CDH13: variants seen among roughly 807,000 people sequenced by gnomAD.
CDH13 encodes the protein cadherin-13.
CDH13 carries 24 observed loss-of-function variants against 63.8 expected under a neutral mutation model. That is an observed-to-expected ratio of 0.38 (90% CI 0.27 to 0.53). The LOEUF (loss-of-function observed/expected upper bound fraction) is 0.53. Among genes scored for constraint, CDH13 ranks in the 20% least tolerant of loss-of-function variants. CDH13 has a pLI of 0.85. For synonymous variants in CDH13, 503 were observed against 355.3 expected (o/e 1.42, Z -4.67); for missense variants, 1,049 against 903.1 (o/e 1.16, Z -2.07).
At chr16:83,111,133 C>G (rs1191275855) in intron 3 of CDH13, among the ~76,000 whole-genome samples, 1 of 151,384 alleles carries the variant, frequency 6.6e-6, no homozygotes, top group Non-Finnish European at 1.5e-5. Context: ...GATGACGCCA[C>G]TGCACTCCAG....
At chr16:83,104,225 A>C (rs1350537958) in intron 3 of CDH13, among the ~76,000 whole-genome samples, 2 of 152,174 alleles carry the variant, frequency 1.3e-5, no homozygotes, top group African/African-American at 4.8e-5. Flanking sequence ...CAAATGTGGA[A>C]CTTTTCCTTG....
At chr16:83,330,094 A>C (rs933120973) in intron 5 of CDH13, among the ~76,000 whole-genome samples, 2 of 152,248 alleles carry the variant, frequency 1.3e-5, no homozygotes, top group Non-Finnish European at 2.9e-5. Flanking sequence ...CAAATAGAAG[A>C]GATTCTTGTA....
intron 7 of CDH13, among the ~76,000 whole-genome samples, chr16:83,539,019 T>C (rs1300911860): frequency 2.0e-5 from 3 of 152,112 alleles, no homozygotes; most frequent in African/African-American, 4.8e-5. Flanking sequence ...CCAAGATTCA[T>C]TGTAAATCTT....
chr16:83,064,778 T>C (rs906818909), intron 3 of CDH13, among the ~76,000 whole-genome samples: 1 of 152,228 alleles, frequency 6.6e-6, no homozygotes, highest in Non-Finnish European at 1.5e-5. Flanking sequence ...ATATTATGTT[T>C]TGATACATGT....
intron 5 of CDH13, among the ~76,000 whole-genome samples, chr16:83,223,241 C>T (rs559190617): frequency 2.6e-5 from 4 of 152,326 alleles, no homozygotes; most frequent in African/African-American, 9.6e-5. Flanking sequence ...AGGCCATTCT[C>T]TTCTTGCAAT....
chr16:82,851,666 CAT>C (rs1482049252), intron 1 of CDH13, among the ~76,000 whole-genome samples: 1 of 98,994 alleles, frequency 1.0e-5, no homozygotes, highest in African/African-American at 3.2e-5. Context: ...AGTACATGCA[CAT>C]GTGTGTACGT....
At chr16:83,534,083 G>A (rs918320278) in intron 7 of CDH13, among the ~76,000 whole-genome samples, 14 of 151,982 alleles carry the variant, frequency 9.2e-5, no homozygotes, top group African/African-American at 2.7e-4. Flanking sequence ...TATTCTCATC[G>A]CCCCCAAATG....
chr16:83,631,457 GCTTGT>G (rs1379852771), intron 8 of CDH13, among the ~76,000 whole-genome samples: 1 of 152,106 alleles, frequency 6.6e-6, no homozygotes, highest in Non-Finnish European at 1.5e-5. Context: ...TTCAAACACA[GCTTGT>G]CTTTTTCTCA....
chr16:82,877,376 T>C (rs879760509), intron 2 of CDH13, among the ~76,000 whole-genome samples: 14 of 152,204 alleles, frequency 9.2e-5, no homozygotes, highest in Non-Finnish European at 1.6e-4. Context: ...TTTAGAGCCT[T>C]ATGTTTCGTG....
At chr16:83,707,437 C>T (rs776216180) in intron 10 of CDH13, among the ~76,000 whole-genome samples, 1 of 152,206 alleles carries the variant, frequency 6.6e-6, no homozygotes, top group South Asian at 2.1e-4. Context: ...AACCTATCTG[C>T]TCTCTGTGTA....
chr16:83,378,395 C>T (rs1245841308), intron 6 of CDH13, among the ~76,000 whole-genome samples: 1 of 152,156 alleles, frequency 6.6e-6, no homozygotes, highest in Non-Finnish European at 1.5e-5. Flanking sequence ...ATCCCTTGAC[C>T]ATGAGTTTTT....
intron 6 of CDH13, among the ~76,000 whole-genome samples, chr16:83,479,394 CGGT>C (rs1228839525): frequency 6.6e-6 from 1 of 152,120 alleles, no homozygotes; most frequent in Non-Finnish European, 1.5e-5. Context: ...CAGCTGGGCG[CGGT>C]GGTTCACACC....
chr16:83,728,485 A>T (rs1362657358), intron 10 of CDH13, among the ~76,000 whole-genome samples: 3 of 152,170 alleles, frequency 2.0e-5, no homozygotes, highest in Non-Finnish European at 4.4e-5. Context: ...ATTAGGCTTG[A>T]TAAGAACTAC....
Position 83,379,938 on chromosome 16 carries a change from T to TATATATATATATATATAGAGAGAG in CDH13, c.781+34933_781+34934insTATATATATATATATAGAGAGAGA. Among the ~76,000 whole-genome samples, 150 of 123,398 alleles carry TATATATATATATATATAGAGAGAG rather than the reference T, an allele frequency of 1.2e-3. 1 individual carries two copies. The highest frequency in any genetic ancestry group is 1.8e-3 in the Non-Finnish European group (107 of 61,100). The allele number at this position is 123,398 out of a possible 152,430, so 81.0% of individuals were successfully genotyped here. A position where few individuals can be genotyped will look rare whatever the true frequency, so the allele number is the denominator to read the frequency against. On this transcript the variant is annotated intron_variant, in intron 6 of 13. Transcript: ENST00000567109. ...GTGTGTGTATATATATATATATATA[T>TATATATATATATATATAGAGAGAG]AGAGAGAGAGAGAGAGAGAGAGAGA... is the stretch of plus-strand genomic sequence containing the variant.
chr16:83,257,913 A>G (rs1906489804), intron 5 of CDH13, among the ~76,000 whole-genome samples: 1 of 152,148 alleles, frequency 6.6e-6, no homozygotes, highest in Non-Finnish European at 1.5e-5. Flanking sequence ...TTTTTCTCTA[A>G]TACCTCACCA....
intron 1 of CDH13, among the ~76,000 whole-genome samples, chr16:82,645,549 C>G (rs1391912335): frequency 6.6e-6 from 1 of 152,016 alleles, no homozygotes; most frequent in Non-Finnish European, 1.5e-5. Flanking sequence ...CTACAATGAA[C>G]AGCACAGCTC....
At chr16:83,777,408 G>A (rs1834918895) in intron 11 of CDH13, among the ~76,000 whole-genome samples, 1 of 152,208 alleles carries the variant, frequency 6.6e-6, no homozygotes, top group Non-Finnish European at 1.5e-5. Flanking sequence ...GGTATGACCT[G>A]CAGCTGCGCT....
At chr16:82,887,625 A>C (rs2040937448) in intron 2 of CDH13, among the ~76,000 whole-genome samples, 1 of 152,186 alleles carries the variant, frequency 6.6e-6, no homozygotes, top group Non-Finnish European at 1.5e-5. Flanking sequence ...GTTCGAGACG[A>C]GTCTGGCCAA....
chr16:83,670,303 A>G (rs1407227352), intron 8 of CDH13, among the ~76,000 whole-genome samples: 1 of 152,214 alleles, frequency 6.6e-6, no homozygotes, highest in East Asian at 1.9e-4. Flanking sequence ...GCGAGAACAA[A>G]TGCAAACAAA....
Sources: gnomAD v4.1 joint callset for allele counts (sites outside exome capture counted in the v4.1 genomes callset) on GRCh38, gnomAD v4.1.1 for gene constraint, MANE v1.5 for transcripts, NCBI Gene and HGNC (gene_info 2026-07-23, HGNC 2026-07-21) for gene names.